The following LRRC43 variants were observed in gnomAD, a reference collection of about 807,000 sequenced individuals.
LRRC43 encodes leucine rich repeat containing 43.
LRRC43 carries 62 observed loss-of-function variants against 64.3 expected under a neutral mutation model. The ratio of observed to expected loss-of-function variants is 0.96; its 90% CI spans 0.79 to 1.19. The LOEUF (loss-of-function observed/expected upper bound fraction) is 1.19. Among genes scored for constraint, LRRC43 ranks in the 50% most tolerant of loss-of-function variants. The pLI is 0.00. For missense variants in LRRC43, 868 were observed against 845.0 expected (o/e 1.03, Z -0.34); for synonymous variants, 422 against 382.3 (o/e 1.10, Z -1.21).
chr12:122,182,770 A>G (rs1161023048), upstream of LRRC43, among the ~76,000 whole-genome samples: 2 of 152,112 alleles, frequency 1.3e-5, no homozygotes, highest in Non-Finnish European at 2.9e-5. Context: ...CAGTGATAAA[A>G]TCCCTGACTC....
At position 122,200,509 on chromosome 12, in the gene LRRC43, C is replaced by G. The variant is rs763191519; in HGVS notation, c.1492-23C>G. 5.0e-6 allele frequency: 8 copies of G among 1,613,766 alleles called. No individual in the cohort carries two copies. The highest frequency in any genetic ancestry group is 1.3e-5 in the African/African-American group (1 of 74,882). Reference sequence around the variant, plus strand: ...CAGCCCGCCTGGGCCTCTGCTCACTCGAGGATTCTCTCCTGCCCCTAGATT... The same window carrying G: ...CAGCCCGCCTGGGCCTCTGCTCACTGGAGGATTCTCTCCTGCCCCTAGATT... On this transcript the variant is annotated intron_variant, in intron 8 of 11. Transcript: ENST00000339777. The surrounding 1 kb of genome is among the most constrained non-coding windows in gnomAD (Gnocchi z 4.6).
intron 3 of LRRC43, among the ~76,000 whole-genome samples, chr12:122,187,173 G>A (rs1180938729): frequency 6.6e-6 from 1 of 152,116 alleles, no homozygotes; most frequent in Non-Finnish European, 1.5e-5. Flanking sequence ...GGAGGTTGCA[G>A]TGAGCCAAGA....
intron 2 of LRRC43, among the ~76,000 whole-genome samples, chr12:122,185,678 T>C (rs1427705080): frequency 6.6e-6 from 1 of 152,074 alleles, no homozygotes; most frequent in Non-Finnish European, 1.5e-5. Context: ...GGACTTTCAG[T>C]TTCAGTGCAG....
chr12:122,192,664 C>T, intron 6 of LRRC43, 81 bp from the exon 7 acceptor site: 2 of 1,501,024 alleles, frequency 1.3e-6, no homozygotes, highest in South Asian at 1.2e-5. Context: ...ATGTCGGGAG[C>T]TGTGTTACAG....
At position 122,183,220 on chromosome 12, in the gene LRRC43, A is replaced by T; in HGVS notation, c.76A>T (p.Thr26Ser). 6.4e-7 allele frequency: 1 copy of T among 1,566,460 alleles called. No individual in the cohort carries two copies. The highest frequency in any genetic ancestry group is 8.6e-7 in the Non-Finnish European group (1 of 1,165,400). Reference sequence around the variant, plus strand: ...TGGGACTCAGCGGCCCGGGACCGGGACCGTGAGCGCGGCCGTGCGCGAGCA... The same window carrying T: ...TGGGACTCAGCGGCCCGGGACCGGGTCCGTGAGCGCGGCCGTGCGCGAGCA... The part of the protein sequence containing the change: ...GPGTQRPGTG[T>S]VSAAVREHLR... The change falls in exon 1 of 12, where the codon ACC becomes TCC. Residue 26 changes from threonine (T) to serine (S), a missense_variant. Transcript: ENST00000339777.
chr12:122,200,396 T>C lies in LRRC43; in HGVS notation c.1491+66T>C. ...ACTTCTGTCCTTGTTCCTGTTCCCA[T>C]CGGGCTGTCCCCCATGGGAGCCGCA... On this transcript the variant is annotated intron_variant, in intron 8 of 11. Transcript: ENST00000339777. This position sits in a 1 kb window ranked among gnomAD's most constrained non-coding sequence, Gnocchi z 4.6. The C allele has an allele frequency of 6.2e-7, 1 of 1,608,418 alleles. No individual in the cohort carries two copies. Among genetic ancestry groups the C allele is most frequent in the Non-Finnish European group, 8.5e-7 (1 of 1,177,968 alleles).
upstream of LRRC43, chr12:122,182,876 T>G: frequency 2.0e-6 from 1 of 502,060 alleles, no homozygotes. Flanking sequence ...GTCAGATGGG[T>G]ATAGGATGAC....
chr12:122,189,134 A>T (rs1337606210), intron 4 of LRRC43, among the ~76,000 whole-genome samples: 1 of 152,150 alleles, frequency 6.6e-6, no homozygotes, highest in Non-Finnish European at 1.5e-5. Context: ...CCTGAGGGGT[A>T]GGAGGGGATC....
In LRRC43 at chr12:122,184,164, G is replaced by A. The variant is rs1469644511; in HGVS notation, c.151-355G>A. Among the ~76,000 whole-genome samples, 2 of 149,948 alleles carry A rather than the reference G, an allele frequency of 1.3e-5. No individual in the cohort carries two copies. The highest frequency in any genetic ancestry group is 4.9e-5 in the African/African-American group (2 of 40,652). ...GCCTGGAGTGCAGTGGCGTGATCTCGGCTCACTGCAACCTCCGCCTCCCGG... is the reference window on the plus strand; with the variant it reads ...GCCTGGAGTGCAGTGGCGTGATCTCAGCTCACTGCAACCTCCGCCTCCCGG... On this transcript the variant is annotated intron_variant, in intron 1 of 11. Coordinates refer to ENST00000339777, the MANE Select transcript of LRRC43 (RefSeq NM_001098519.2). The surrounding 1 kb of genome is among the most constrained non-coding windows in gnomAD (Gnocchi z 4.0).
intron 1 of LRRC43, among the ~76,000 whole-genome samples, chr12:122,168,938 G>A (rs1378276012): frequency 6.6e-6 from 1 of 152,118 alleles, no homozygotes; most frequent in Non-Finnish European, 1.5e-5. Context: ...TTTGTGAATT[G>A]ACCCTAGGTT....
chr12:122,169,737 AAAG>A (rs1953469235), intron 1 of LRRC43, among the ~76,000 whole-genome samples: 3 of 151,374 alleles, frequency 2.0e-5, no homozygotes, highest in East Asian at 1.9e-4. Flanking sequence ...AAAAAAAAAA[AAAG>A]AATTCTATAA....
chr12:122,178,129 C>T (rs76535444), upstream of LRRC43, among the ~76,000 whole-genome samples: 98 of 152,166 alleles, frequency 6.4e-4, no homozygotes, highest in East Asian at 0.018. Context: ...GGAGCCACCA[C>T]GCCTGGCTGC....
upstream of LRRC43, chr12:122,182,884 G>T (rs953013507): frequency 3.9e-6 from 2 of 519,202 alleles, no homozygotes; most frequent in African/African-American, 4.1e-5. Flanking sequence ...GGTATAGGAT[G>T]ACTTTCCGTG....
At chr12:122,183,798 C>T (rs928961583) in intron 1 of LRRC43, among the ~76,000 whole-genome samples, 1 of 152,124 alleles carries the variant, frequency 6.6e-6, no homozygotes, top group African/African-American at 2.4e-5. Flanking sequence ...AGGTGTGGCC[C>T]AGGAAGGCTT....
chr12:122,186,914 C>T (rs1458843145), intron 3 of LRRC43, among the ~76,000 whole-genome samples: 2 of 146,416 alleles, frequency 1.4e-5, no homozygotes, highest in Non-Finnish European at 3.0e-5. Flanking sequence ...GTGACTCCAT[C>T]TCAAAGTGGT....
At chr12:122,178,627 TG>T, upstream of LRRC43, among the ~76,000 whole-genome samples, 1 of 147,158 alleles carries the variant, frequency 6.8e-6, no homozygotes, top group Non-Finnish European at 1.5e-5. Context: ...TGTCTTGCTC[TG>T]TCACCTGGCC....
intron 4 of LRRC43, 191 bp from the exon 5 acceptor site, chr12:122,189,939 G>A (rs541990984): frequency 1.7e-4 from 110 of 658,742 alleles, no homozygotes; most frequent in South Asian, 3.1e-4. Flanking sequence ...GCAGTGCTAC[G>A]GAGAGTGGAG....
chr12:122,189,102 G>A (rs150135035), intron 4 of LRRC43, among the ~76,000 whole-genome samples: 2 of 152,286 alleles, frequency 1.3e-5, no homozygotes, highest in East Asian at 3.9e-4. Context: ...TGGGTGAGCG[G>A]TAGAAAACTT....
chr12:122,188,656 G>A (rs527319904), intron 4 of LRRC43, among the ~76,000 whole-genome samples: 2 of 151,464 alleles, frequency 1.3e-5, no homozygotes, highest in Non-Finnish European at 2.9e-5. Flanking sequence ...GGCCAGGATG[G>A]TCTCGAACTC....
Sources: gnomAD v4.1 joint callset for allele counts (sites outside exome capture counted in the v4.1 genomes callset) on GRCh38, gnomAD v4.1.1 for gene constraint, Gnocchi (gnomAD v3.1) non-coding constraint, MANE v1.5 for transcripts, NCBI Gene and HGNC (gene_info 2026-07-23, HGNC 2026-07-21) for gene names.